DENND1A: variants seen among roughly 807,000 people sequenced by gnomAD.
DENND1A encodes DENN domain containing 1A.
Under a neutral mutation model 113.7 loss-of-function variants are expected in DENND1A, and 51 were observed. The ratio of observed to expected loss-of-function variants is 0.45; its 90% CI spans 0.36 to 0.57. The LOEUF (loss-of-function observed/expected upper bound fraction) is 0.57, where lower values mean the gene tolerates loss of function less well. Among genes scored for constraint, DENND1A ranks in the 20% least tolerant of loss-of-function variants. The probability of loss-of-function intolerance (pLI) is 0.00; values close to 1 mark genes in which losing one functional copy is unlikely to be tolerated. For missense variants in DENND1A, 1,258 were observed against 1,395.9 expected (o/e 0.90, Z 1.57); for synonymous variants, 565 against 570.8 (o/e 0.99, Z 0.14).
intron 5 of DENND1A, among the ~76,000 whole-genome samples, chr9:123,722,068 T>G (rs1367466890): frequency 6.6e-6 from 1 of 152,198 alleles, no homozygotes. Flanking sequence ...CTGATCATGA[T>G]ATGAACAATA....
chr9:123,677,248 C>A (rs538306474), intron 5 of DENND1A, among the ~76,000 whole-genome samples: 2 of 152,302 alleles, frequency 1.3e-5, no homozygotes, highest in African/African-American at 4.8e-5. Flanking sequence ...GAGCCCAAAG[C>A]CATCCATGTT....
rs370940266 is a variant in DENND1A, at chr9:123,918,287, G to C, written c.17+11602C>G. Among the ~76,000 whole-genome samples, 24 of 150,876 alleles carry C rather than the reference G, an allele frequency of 1.6e-4. No homozygotes were observed. The East Asian group carries it at 2.2e-3, about 14-fold the overall frequency. ...GCAGATCATGAGGTCAGGAGATCGA[G>C]ACCATCCTGGCTAACACGGTGAAAC... On this transcript the variant is annotated intron_variant, in intron 1 of 23. Coordinates refer to ENST00000394215, the MANE Select transcript of DENND1A (RefSeq NM_001352964.2).
At chr9:123,922,530 G>A (rs1420344624) in intron 1 of DENND1A, among the ~76,000 whole-genome samples, 1 of 152,174 alleles carries the variant, frequency 6.6e-6, no homozygotes, top group Non-Finnish European at 1.5e-5. Flanking sequence ...AGATATCACT[G>A]TTCTAAACTG....
At chr9:123,848,229 A>T (rs1039111158) in intron 2 of DENND1A, among the ~76,000 whole-genome samples, 11 of 52,758 alleles carry the variant, frequency 2.1e-4, no homozygotes, top group Non-Finnish European at 3.7e-4. Flanking sequence ...ATACTGCTTT[A>T]AAAAAAAAAA....
At chr9:123,721,605 T>C (rs2067344740) in intron 5 of DENND1A, among the ~76,000 whole-genome samples, 1 of 152,216 alleles carries the variant, frequency 6.6e-6, no homozygotes, top group Non-Finnish European at 1.5e-5. Flanking sequence ...AGCAACCCTG[T>C]GGGAGGTGAT....
chr9:123,901,344 T>C (rs1479668338), intron 1 of DENND1A, among the ~76,000 whole-genome samples: 1 of 152,212 alleles, frequency 6.6e-6, no homozygotes, highest in African/African-American at 2.4e-5. Context: ...GGATGTGAGA[T>C]GTCCCCAACA....
At chr9:123,761,501 TTC>T (rs1253685925) in intron 4 of DENND1A, among the ~76,000 whole-genome samples, 2 of 152,198 alleles carry the variant, frequency 1.3e-5, no homozygotes, top group Non-Finnish European at 2.9e-5. Context: ...CTGCTTTCTT[TTC>T]TCTCTTGCCT....
chr9:123,637,172 G>T (rs1220690304), intron 9 of DENND1A, among the ~76,000 whole-genome samples: 1 of 152,194 alleles, frequency 6.6e-6, no homozygotes, highest in Non-Finnish European at 1.5e-5. Context: ...GCTTCACAGG[G>T]TTAGAGGCAT....
At chr9:123,891,896 G>A (rs1849959291) in intron 1 of DENND1A, among the ~76,000 whole-genome samples, 1 of 152,176 alleles carries the variant, frequency 6.6e-6, no homozygotes, top group South Asian at 2.1e-4. Context: ...CAAGTGAGCT[G>A]AGCCCTCTGA....
chr9:123,509,066 C>T (rs1219713406), intron 13 of DENND1A, among the ~76,000 whole-genome samples: 1 of 152,150 alleles, frequency 6.6e-6, no homozygotes, highest in Non-Finnish European at 1.5e-5. Context: ...GAGGAAGAGG[C>T]CCTGTGCCTC....
At chr9:123,689,738 G>A (rs959047257) in intron 5 of DENND1A, among the ~76,000 whole-genome samples, 7 of 152,144 alleles carry the variant, frequency 4.6e-5, no homozygotes, top group Admixed American at 1.3e-4. Context: ...CAGAAGCCAA[G>A]GCGGGTGGGT....
In DENND1A at chr9:123,643,780, G is replaced by A. The variant is rs570143922; in HGVS notation, c.618+8233C>T. ...TGGAGCTGTGGCTAACAGACTGGGTGTGTCAATGGGAATTCACAGATCTGC... is the reference window on the plus strand; with the variant it reads ...TGGAGCTGTGGCTAACAGACTGGGTATGTCAATGGGAATTCACAGATCTGC... On this transcript the variant is annotated intron_variant, in intron 9 of 23. Coordinates refer to ENST00000394215, the MANE Select transcript of DENND1A (RefSeq NM_001352964.2). 2.6e-5 allele frequency among the ~76,000 whole-genome samples: 4 copies of A among 152,372 alleles called. No homozygotes were observed. The South Asian group carries it at 8.3e-4, about 32-fold the overall frequency.
chr9:123,874,029 CT>C (rs542634154), intron 2 of DENND1A, among the ~76,000 whole-genome samples: 14 of 152,270 alleles, frequency 9.2e-5, no homozygotes, highest in African/African-American at 3.4e-4. Flanking sequence ...GCGTAAGCCA[CT>C]GCACCCGGCC....
chr9:123,382,104 C>T lies in DENND1A; in HGVS notation c.2541G>A (p.Leu847=). The T allele has an allele frequency of 6.4e-7, 1 of 1,561,494 alleles. No individual in the cohort carries two copies. The highest frequency in any genetic ancestry group is 8.7e-7 in the Non-Finnish European group (1 of 1,154,210). ...CTGACCAGGCTGTGCTGAGCGGGTC[C>T]AGGAGGGCGAGCAGGGCGTCACTGC... ...GTSSDALLAL[L]DPLSTAWSGS... is the part of the protein sequence containing the mutation. Residue 847 remains leucine, a synonymous_variant, in exon 24 of 24, where the codon CTG becomes CTA. Coordinates refer to ENST00000394215, the MANE Select transcript of DENND1A (RefSeq NM_001352964.2).
Position 123,610,242 on chromosome 9 carries a change from G to C in DENND1A, c.720-761C>G, listed in dbSNP as rs566536586. Among the ~76,000 whole-genome samples, 5 of 152,264 alleles carry C rather than the reference G, an allele frequency of 3.3e-5. No individual in the cohort carries two copies. In the East Asian group the frequency reaches 9.6e-4, roughly 29 times the overall value. The stretch of plus-strand genomic sequence containing the variant: ...GGGGTCGGTGTGTATGTGTGTGTGT[G>C]TATACATTATCATTTATGTTACCTA... On this transcript the variant is annotated intron_variant, in intron 10 of 23. Coordinates refer to ENST00000394215, the MANE Select transcript of DENND1A (RefSeq NM_001352964.2).
intron 18 of DENND1A, among the ~76,000 whole-genome samples, chr9:123,446,862 T>C (rs2047344682): frequency 6.6e-6 from 1 of 152,158 alleles, no homozygotes. Context: ...TCAGAAACTT[T>C]ACAAAGGGCT....
intron 11 of DENND1A, among the ~76,000 whole-genome samples, chr9:123,587,090 G>A (rs574138462): frequency 1.2e-4 from 18 of 151,714 alleles, no homozygotes; most frequent in Non-Finnish European, 2.4e-4. Flanking sequence ...CTGGTCCTGC[G>A]GTGCCAACAA....
chr9:123,567,534 T>C (rs978411262), intron 12 of DENND1A, among the ~76,000 whole-genome samples: 1 of 152,174 alleles, frequency 6.6e-6, no homozygotes, highest in Non-Finnish European at 1.5e-5. Flanking sequence ...CATTAATGCC[T>C]TTTCTAATGG....
intron 19 of DENND1A, chr9:123,413,370 C>G: frequency 1.0e-6 from 1 of 964,682 alleles, no homozygotes; most frequent in Non-Finnish European, 1.2e-6. Context: ...ATTCAGAATT[C>G]CACATGTGAC....
Sources: allele counts gnomAD v4.1 joint callset (sites outside exome capture counted in the v4.1 genomes callset), GRCh38; gene constraint gnomAD v4.1.1; transcripts MANE v1.5; gene names NCBI Gene and HGNC (gene_info 2026-07-23, HGNC 2026-07-21).